PHACTR2: variants seen among roughly 807,000 people sequenced by gnomAD.
The protein encoded by PHACTR2 is phosphatase and actin regulator 2.
A neutral mutation model predicts 76.0 loss-of-function variants in PHACTR2; 30 were observed. The ratio of observed to expected loss-of-function variants is 0.39; its 90% CI spans 0.30 to 0.54. The LOEUF (loss-of-function observed/expected upper bound fraction) is 0.54, where lower values mean the gene tolerates loss of function less well. Ranked by LOEUF, PHACTR2 falls within the 20% of genes least tolerant of loss-of-function variation. PHACTR2 has a pLI of 0.61. For synonymous variants in PHACTR2, 292 were observed against 292.5 expected, an observed-to-expected ratio of 1.00 and a Z score of 0.02; for missense variants, 696 against 781.1, an observed-to-expected ratio of 0.89 and a Z score of 1.30.
chr6:143,621,342 T>C lies in PHACTR2; in HGVS notation c.13+13020T>C, dbSNP rs1776149032. ...TCAGGAGGGCGCGAATGAGTTCCTG[T>C]GGATCCCGAGCCCTCTCAGGCCTCC... is the stretch of plus-strand genomic sequence containing the variant. On this transcript the variant is annotated intron_variant, in intron 1 of 11. Coordinates refer to the PHACTR2 transcript ENST00000305766. This position sits in a 1 kb window ranked among gnomAD's most constrained non-coding sequence, Gnocchi z 4.1. Among the ~76,000 whole-genome samples, 1 of 152,198 alleles carries C rather than the reference T, an allele frequency of 6.6e-6. No homozygotes were observed. The highest frequency in any genetic ancestry group is 6.5e-5 in the Admixed American group (1 of 15,276).
chr6:143,815,030 C>T (rs988151619), intron 12 of PHACTR2, among the ~76,000 whole-genome samples: 1 of 152,140 alleles, frequency 6.6e-6, no homozygotes, highest in Admixed American at 6.5e-5. Flanking sequence ...AATATGACAT[C>T]ACAGGAACTA....
chr6:143,769,445 A>T (rs535883174), intron 6 of PHACTR2, among the ~76,000 whole-genome samples: 1 of 152,340 alleles, frequency 6.6e-6, no homozygotes. Context: ...AACATAACTC[A>T]TTAAGTGTAA....
Position 143,743,541 on chromosome 6 carries a change from G to C in PHACTR2, c.215-5444G>C, listed in dbSNP as rs1477770718. ...GAAGGTTTTTGCAAATGTCCTGTTG[G>C]GTGGCATTGAAGCGGTTGTTTCTTT... On this transcript the variant is annotated intron_variant, in intron 2 of 12. Transcript: ENST00000440869. The surrounding 1 kb of genome is among the most constrained non-coding windows in gnomAD (Gnocchi z 5.0). Among the ~76,000 whole-genome samples, 3 of 152,160 alleles carry C rather than the reference G, an allele frequency of 2.0e-5. No individual in the cohort carries two copies. Among genetic ancestry groups the C allele is most frequent in the African/African-American group, 7.2e-5 (3 of 41,438 alleles).
At position 143,816,685 on chromosome 6, in the gene PHACTR2, G is replaced by GA. The variant is rs113735043; in HGVS notation, c.1923-6976dup. Among the ~76,000 whole-genome samples, 1,964 of 141,884 alleles carry GA rather than the reference G, an allele frequency of 0.014. 31 individuals carry two copies. The highest frequency in any genetic ancestry group is 0.042 in the African/African-American group (1,627 of 38,760). 93.1% of individuals were successfully genotyped at this position (141,884 alleles called of 152,430 possible). A position where few individuals can be genotyped will look rare whatever the true frequency, so the allele number is the denominator to read the frequency against. ...ATCCATGGGCAAATGGTGTGTGCAG[G>GA]AAAAAAAAAAAAATCTTACACTGTC... On this transcript the variant is annotated intron_variant, in intron 12 of 12. Transcript: ENST00000440869. The surrounding 1 kb of genome is among the most constrained non-coding windows in gnomAD (Gnocchi z 4.5).
chr6:143,649,139 C>A (rs1057274549), intron 1 of PHACTR2, among the ~76,000 whole-genome samples: 1 of 152,094 alleles, frequency 6.6e-6, no homozygotes, highest in African/African-American at 2.4e-5. Context: ...AACCATCAAC[C>A]AAAGCCCACG....
In PHACTR2 at chr6:143,587,270, G is replaced by A. The variant is rs59376506; in HGVS notation, c.217+50063G>A. Among the ~76,000 whole-genome samples, 560 of 152,124 alleles carry A rather than the reference G, an allele frequency of 3.7e-3. 5 individuals are homozygous for A. The highest frequency in any genetic ancestry group is 0.013 in the African/African-American group (542 of 41,490). ...AATTAGATTCATCAAATGAATCTTC[G>A]GCCAACAACTGTTCAAGAACGATGT... On this transcript the variant is annotated intron_variant, in intron 1 of 11. Coordinates refer to the PHACTR2 transcript ENST00000367584.
In PHACTR2 at chr6:143,700,437, C is replaced by T. The variant is rs953299567; in HGVS notation, c.47-11579C>T. ...AGGCATGGTGGCATGCACCTGTAAT[C>T]CCAGCTACTCGGGAGGCTGAGGCAA... is the stretch of plus-strand genomic sequence containing the variant. On this transcript the variant is annotated intron_variant, in intron 1 of 12. Transcript: ENST00000440869. The surrounding 1 kb of genome is among the most constrained non-coding windows in gnomAD (Gnocchi z 4.1). Among the ~76,000 whole-genome samples, 2 of 152,096 alleles carry T rather than the reference C, an allele frequency of 1.3e-5. No homozygotes were observed. Among genetic ancestry groups the T allele is most frequent in the Non-Finnish European group, 2.9e-5 (2 of 68,020 alleles).
rs945514339 is a variant in PHACTR2, at chr6:143,683,391, T to C, written c.46+5182T>C. On this transcript the variant is annotated intron_variant, in intron 1 of 12. Coordinates refer to ENST00000440869, the MANE Select transcript of PHACTR2 (RefSeq NM_001100164.2). The surrounding 1 kb of genome is among the most constrained non-coding windows in gnomAD (Gnocchi z 4.1). ...TCCAAGAATTACATTACTCTGGCTC[T>C]ATTGTCTGAAGGGTGGTATCTGAAT... Among the ~76,000 whole-genome samples, 1 of 152,230 alleles carries C rather than the reference T, an allele frequency of 6.6e-6. No homozygotes were observed. Among genetic ancestry groups the C allele is most frequent in the African/African-American group, 2.4e-5 (1 of 41,456 alleles).
upstream of PHACTR2, among the ~76,000 whole-genome samples, chr6:143,605,693 C>T (rs1482524409): frequency 6.6e-6 from 1 of 151,986 alleles, no homozygotes; most frequent in East Asian, 1.9e-4. The surrounding 1 kb of genome is among the most constrained non-coding windows in gnomAD (Gnocchi z 5.0). Flanking sequence ...GACATTTTTC[C>T]ATGTTGCCCA....
chr6:143,649,362 A>T (rs912957793), intron 1 of PHACTR2, among the ~76,000 whole-genome samples: 18 of 152,238 alleles, frequency 1.2e-4, no homozygotes, highest in African/African-American at 4.1e-4. Context: ...TCATCCTGAT[A>T]CCAAAACCTG....
chr6:143,774,516 G>C lies in PHACTR2; in HGVS notation c.1589+301G>C, dbSNP rs191176039. Among the ~76,000 whole-genome samples the C allele has an allele frequency of 1.1e-4, 17 of 152,282 alleles. No individual in the cohort carries two copies. Among genetic ancestry groups the C allele is most frequent in the African/African-American group, 4.1e-4 (17 of 41,550 alleles). On this transcript the variant is annotated intron_variant, in intron 8 of 12. Transcript: ENST00000440869. This position sits in a 1 kb window ranked among gnomAD's most constrained non-coding sequence, Gnocchi z 5.4. ...GTCTCTGTTGCAGCTACTCAACTGC[G>C]CTGCTGTAGCATAAAAGCAGCCATA... is the stretch of plus-strand genomic sequence containing the variant.
chr6:143,585,830 C>T lies in PHACTR2; in HGVS notation c.217+48623C>T, dbSNP rs181983602. ...AGATTTGGCTAGGGAATTAATGTAG[C>T]GCTGAATGTTTAAACGGGAAGTGGA... On this transcript the variant is annotated intron_variant, in intron 1 of 11. Coordinates refer to the PHACTR2 transcript ENST00000367584. This position sits in a 1 kb window ranked among gnomAD's most constrained non-coding sequence, Gnocchi z 5.2. Among the ~76,000 whole-genome samples the T allele has an allele frequency of 3.5e-4, 54 of 152,266 alleles. No individual in the cohort carries two copies. The highest frequency in any genetic ancestry group is 1.2e-3 in the African/African-American group (49 of 41,550).
chr6:143,613,323 C>A (rs1776010687), intron 1 of PHACTR2, among the ~76,000 whole-genome samples: 1 of 152,210 alleles, frequency 6.6e-6, no homozygotes, highest in Non-Finnish European at 1.5e-5. Flanking sequence ...GATAAATAAT[C>A]TGTTTTTTGG....
At position 143,783,400 on chromosome 6, in the gene PHACTR2, A is replaced by G. The variant is rs184188791; in HGVS notation, c.1707+120A>G. On this transcript the variant is annotated intron_variant, in intron 10 of 12. Coordinates refer to ENST00000440869, the MANE Select transcript of PHACTR2 (RefSeq NM_001100164.2). The surrounding 1 kb of genome is among the most constrained non-coding windows in gnomAD (Gnocchi z 5.2). The stretch of plus-strand genomic sequence containing the variant: ...TAGAAATAATTATTCCTATTAGTCT[A>G]TAATCATAGACATCAAAATCACAAG... 776 of 581,758 alleles carry G rather than the reference A, an allele frequency of 1.3e-3. 2 individuals are homozygous for G. Among genetic ancestry groups the G allele is most frequent in the Middle Eastern group, 5.2e-3 (11 of 2,108 alleles). 36.0% of individuals were successfully genotyped at this position (581,758 alleles called of 1,614,324 possible). A position where few individuals can be genotyped will look rare whatever the true frequency, so the allele number is the denominator to read the frequency against.
chr6:143,676,195 G>A (rs1777241698), upstream of PHACTR2, among the ~76,000 whole-genome samples: 1 of 152,190 alleles, frequency 6.6e-6, no homozygotes, highest in Non-Finnish European at 1.5e-5. The surrounding 1 kb of genome is among the most constrained non-coding windows in gnomAD (Gnocchi z 4.8). Flanking sequence ...AATCCCAGAT[G>A]AGGCTGAAGA....
chr6:143,655,276 A>T (rs1218901496), intron 1 of PHACTR2, among the ~76,000 whole-genome samples: 2 of 152,144 alleles, frequency 1.3e-5, no homozygotes, highest in Non-Finnish European at 2.9e-5. Context: ...AAATTCCTAG[A>T]GAAAGAAAGT....
At chr6:143,649,474 C>T (rs111619214) in intron 1 of PHACTR2, among the ~76,000 whole-genome samples, 24,160 of 152,098 alleles carry the variant, frequency 0.16, 2,064 homozygotes, top group East Asian at 0.35. Context: ...TCCAGCAGCA[C>T]ATCAAAAAGC....
chr6:143,771,201 T>TAC (rs1373648012), intron 6 of PHACTR2, among the ~76,000 whole-genome samples: 7 of 61,132 alleles, frequency 1.1e-4, no homozygotes, highest in Admixed American at 1.9e-4. Flanking sequence ...TGTGTATATA[T>TAC]ATATATATAT....
At chr6:143,545,698 C>T (rs1774982067) in intron 1 of PHACTR2, among the ~76,000 whole-genome samples, 1 of 152,188 alleles carries the variant, frequency 6.6e-6, no homozygotes, top group African/African-American at 2.4e-5. Context: ...TTACCCTACC[C>T]CACCCTAGTA....
Sources: allele counts gnomAD v4.1 joint callset (sites outside exome capture counted in the v4.1 genomes callset), GRCh38; gene constraint gnomAD v4.1.1; non-coding constraint Gnocchi (gnomAD v3.1); transcripts MANE v1.5; gene names NCBI Gene and HGNC (gene_info 2026-07-23, HGNC 2026-07-21).